Variants in CSMD3 observed in about 807,000 individuals in gnomAD.
CSMD3 encodes CUB and sushi domain-containing protein 3.
Under a neutral mutation model 435.2 loss-of-function variants are expected in CSMD3, and 177 were observed. The ratio of observed to expected loss-of-function variants is 0.41; its 90% CI spans 0.36 to 0.46. The LOEUF is 0.46. Among genes scored for constraint, CSMD3 ranks in the 20% least tolerant of loss-of-function variants. The probability of loss-of-function intolerance (pLI) is 0.34; values close to 1 mark genes in which losing one functional copy is unlikely to be tolerated. For synonymous variants in CSMD3, 1,656 were observed against 1,520.5 expected (o/e 1.09, Z -2.07); for missense variants, 4,265 against 4,504.6 (o/e 0.95, Z 1.52).
chr8:113,233,285 C>A (rs2093110226), intron 3 of CSMD3, among the ~76,000 whole-genome samples: 1 of 151,272 alleles, frequency 6.6e-6, no homozygotes, highest in South Asian at 2.1e-4. Flanking sequence ...TATTTCTAAA[C>A]AATATCATAG....
At chr8:112,633,911 G>A (rs1452241313) in intron 22 of CSMD3, among the ~76,000 whole-genome samples, 1 of 152,014 alleles carries the variant, frequency 6.6e-6, no homozygotes, top group Non-Finnish European at 1.5e-5. Context: ...TTCTGGGAGT[G>A]TATCCATCAT....
chr8:112,383,760 T>C (rs1181636342), intron 36 of CSMD3, 97 bp from the exon 37 acceptor site: 3 of 807,478 alleles, frequency 3.7e-6, no homozygotes, highest in Non-Finnish European at 6.5e-6. Flanking sequence ...GTTCAAATCC[T>C]GAACCACATA....
At chr8:112,528,799 C>T (rs941827282) in intron 27 of CSMD3, among the ~76,000 whole-genome samples, 13 of 152,062 alleles carry the variant, frequency 8.5e-5, no homozygotes, top group African/African-American at 2.9e-4. Context: ...AATCAGGAAG[C>T]GATTCACTCC....
intron 5 of CSMD3, among the ~76,000 whole-genome samples, chr8:113,090,717 A>G (rs1255101651): frequency 6.6e-6 from 1 of 152,110 alleles, no homozygotes; most frequent in African/African-American, 2.4e-5. Flanking sequence ...TTATGCTTAC[A>G]TATAAGTTAA....
intron 3 of CSMD3, among the ~76,000 whole-genome samples, chr8:113,174,528 C>T (rs1191473636): frequency 6.6e-6 from 1 of 151,770 alleles, no homozygotes; most frequent in Non-Finnish European, 1.5e-5. Flanking sequence ...GATCAATAGG[C>T]AAAATATATG....
At chr8:112,302,061 T>G in intron 52 of CSMD3, 95 bp from the exon 53 acceptor site, 2 of 844,504 alleles carry the variant, frequency 2.4e-6, no homozygotes, top group East Asian at 5.3e-5. Context: ...TTCCTATGAT[T>G]TGATGTATTT....
Position 112,319,957 on chromosome 8 carries a change from G to A in CSMD3, c.7190C>T (p.Pro2397Leu), listed in dbSNP as rs1184368465. ...TTCAGCATTGGGCACAGGTGGTGGA[G>A]GTTGGCACACCCTTAGTTGATAGGC... Reference protein sequence around the residue: ...YHAYQLRVCQPPPPVPNAEIL... With the variant: ...YHAYQLRVCQLPPPVPNAEIL... The change falls in exon 46 of 71, where the codon CCT becomes CTT. Residue 2397 changes from proline to leucine, a missense_variant. Physicochemically the swap from Pro to Leu is moderately conservative, Grantham distance 98 (BLOSUM62 -3). Around this residue, in one of 3 missense-constraint regions of CSMD3, gnomAD observed 3,255 missense variants for 3,380.2 expected, o/e 0.96. Transcript: ENST00000297405. 6.2e-7 allele frequency: 1 copy of A among 1,612,492 alleles called. No individual in the cohort carries two copies. The highest frequency in any genetic ancestry group is 8.5e-7 in the Non-Finnish European group (1 of 1,178,836).
At chr8:112,263,231 A>T (rs540520305) in intron 61 of CSMD3, among the ~76,000 whole-genome samples, 1 of 152,124 alleles carries the variant, frequency 6.6e-6, no homozygotes, top group East Asian at 1.9e-4. Flanking sequence ...CCCAATCATT[A>T]TCATGACAAA....
intron 10 of CSMD3, among the ~76,000 whole-genome samples, chr8:112,913,222 G>C (rs533105606): frequency 6.6e-6 from 1 of 151,922 alleles, no homozygotes; most frequent in Non-Finnish European, 1.5e-5. Context: ...CATGGACTCG[G>C]GGGAGGAGTG....
At chr8:112,765,620 C>A (rs564281357) in intron 13 of CSMD3, among the ~76,000 whole-genome samples, 1 of 151,630 alleles carries the variant, frequency 6.6e-6, no homozygotes, top group Non-Finnish European at 1.5e-5. Flanking sequence ...ACTATTCATT[C>A]TTCACTTAAT....
chr8:112,978,034 T>A (rs1020787389), intron 6 of CSMD3, among the ~76,000 whole-genome samples: 2 of 152,038 alleles, frequency 1.3e-5, no homozygotes, highest in African/African-American at 4.8e-5. Context: ...TGAAACCTGA[T>A]CCATATTGTC....
intron 36 of CSMD3, among the ~76,000 whole-genome samples, chr8:112,384,000 G>A (rs988167319): frequency 6.6e-5 from 10 of 152,088 alleles, no homozygotes; most frequent in Admixed American, 6.6e-4. Flanking sequence ...CAAAACAATC[G>A]GTGAATTTTT....
At chr8:112,982,694 A>T (rs1286821712) in intron 6 of CSMD3, among the ~76,000 whole-genome samples, 1 of 151,970 alleles carries the variant, frequency 6.6e-6, no homozygotes, top group Non-Finnish European at 1.5e-5. Flanking sequence ...GAAAGCAGAG[A>T]ACATGTCTTA....
At chr8:113,314,088 G>A (rs552791437) in intron 2 of CSMD3, 1 of 152,346 alleles carries the variant, frequency 6.6e-6, no homozygotes, top group African/African-American at 2.4e-5. Flanking sequence ...TGACATGAAA[G>A]TATGTAGTTT....
intron 3 of CSMD3, among the ~76,000 whole-genome samples, chr8:113,208,152 C>A (rs1396439008): frequency 2.0e-5 from 3 of 152,080 alleles, no homozygotes; most frequent in African/African-American, 7.2e-5. Context: ...ATGAATGAAA[C>A]CTTACAGGAA....
At chr8:112,354,818 C>T (rs1264306487) in intron 38 of CSMD3, among the ~76,000 whole-genome samples, 5 of 152,144 alleles carry the variant, frequency 3.3e-5, no homozygotes, top group African/African-American at 4.8e-5. Context: ...AAACTACCAA[C>T]GTCATTTTTC....
rs745355077 is a variant in CSMD3 at position 112,921,683 on chromosome 8, C to T, written c.1577G>A (p.Cys526Tyr). 2 of 1,611,946 alleles carry T rather than the reference C, an allele frequency of 1.2e-6. No homozygotes were observed. Among genetic ancestry groups the T allele is most frequent in the Admixed American group, 3.3e-5 (2 of 59,920 alleles). The change falls in exon 10 of 71, where the codon TGT (cysteine) becomes TAT (tyrosine). Residue 526 changes from cysteine (C) to tyrosine (Y), a missense_variant. By Grantham distance (194) the Cys-to-Tyr change is radical. Coordinates refer to ENST00000297405, the MANE Select transcript of CSMD3 (RefSeq NM_198123.2). The stretch of plus-strand genomic sequence containing the variant: ...AGCAAAAACTTCAGCTATCCGTTGA[C>T]AGGTGATGCTCTTTGCGCCCTGTAG... ...YVLQGAKSIT[C>Y]QRIAEVFAAW...
At chr8:113,375,900 C>T (rs1055093561) in intron 1 of CSMD3, among the ~76,000 whole-genome samples, 4 of 152,052 alleles carry the variant, frequency 2.6e-5, no homozygotes, top group African/African-American at 7.2e-5. Context: ...AAGTCTTATA[C>T]AATTAATTTT....
intron 4 of CSMD3, among the ~76,000 whole-genome samples, chr8:113,157,077 T>C (rs563384498): frequency 1.3e-5 from 2 of 152,204 alleles, no homozygotes; most frequent in South Asian, 4.1e-4. Flanking sequence ...TTGGTGAGGA[T>C]ATAGAGAAAT....
Sources: gnomAD v4.1 joint callset for allele counts (sites outside exome capture counted in the v4.1 genomes callset) on GRCh38, gnomAD v4.1.1 for gene constraint, gnomAD v4.1.1 regional missense constraint, MANE v1.5 for transcripts, NCBI Gene and HGNC (gene_info 2026-07-23, HGNC 2026-07-21) for gene names.